The following PTCHD4 variants were observed in gnomAD, a reference collection of about 807,000 sequenced individuals.
The protein encoded by PTCHD4 is patched domain-containing protein 4.
In PTCHD4, 33 loss-of-function variants were observed where a neutral mutation model predicts 58.1. The ratio of observed to expected loss-of-function variants is 0.57; its 90% CI spans 0.43 to 0.76. PTCHD4 has a LOEUF of 0.76. Ranked by LOEUF, PTCHD4 falls within the 30% of genes least tolerant of loss-of-function variation. PTCHD4 has a pLI of 0.00. For synonymous variants in PTCHD4, 478 were observed against 409.6 expected (o/e 1.17, Z -2.02); for missense variants, 1,058 against 1,027.1 (o/e 1.03, Z -0.41).
intron 4 of PTCHD4, among the ~76,000 whole-genome samples, chr6:47,937,096 T>C (rs1393119518): frequency 6.6e-6 from 1 of 152,214 alleles, no homozygotes; most frequent in East Asian, 1.9e-4. Context: ...AGTCAGATCA[T>C]GTAACCCCTT....
At chr6:47,984,305 T>TA (rs2114017362) in intron 4 of PTCHD4, among the ~76,000 whole-genome samples, 1 of 152,240 alleles carries the variant, frequency 6.6e-6, no homozygotes, top group East Asian at 1.9e-4. Flanking sequence ...TTAGGAAACT[T>TA]ACAATCATGG....
At chr6:48,004,369 C>T (rs999707233) in intron 4 of PTCHD4, among the ~76,000 whole-genome samples, 10 of 152,126 alleles carry the variant, frequency 6.6e-5, no homozygotes, top group South Asian at 2.1e-4. Context: ...AATAGTGATC[C>T]GAGGCTACTA....
intron 3 of PTCHD4, among the ~76,000 whole-genome samples, chr6:48,048,461 G>A (rs1441223713): frequency 1.3e-5 from 2 of 151,898 alleles, no homozygotes; most frequent in African/African-American, 4.8e-5. Flanking sequence ...GTTTAACTGA[G>A]TTTCACAAAA....
At chr6:48,088,350 C>T (rs1765300933) in intron 1 of PTCHD4, among the ~76,000 whole-genome samples, 1 of 152,044 alleles carries the variant, frequency 6.6e-6, no homozygotes, top group Admixed American at 6.6e-5. Flanking sequence ...AATGAAAATC[C>T]TAAGTTCTTA....
chr6:47,902,867 T>C (rs749199496), intron 4 of PTCHD4, among the ~76,000 whole-genome samples: 4 of 152,238 alleles, frequency 2.6e-5, no homozygotes, highest in Non-Finnish European at 4.4e-5. Context: ...ATAGTTTCCA[T>C]TTAAAGTTAT....
intron 3 of PTCHD4, among the ~76,000 whole-genome samples, chr6:48,038,492 T>A (rs911539376): frequency 4.0e-5 from 6 of 150,924 alleles, no homozygotes; most frequent in African/African-American, 1.5e-4. Context: ...AAAAAAAAAA[T>A]TAGCTAGGTG....
intron 4 of PTCHD4, among the ~76,000 whole-genome samples, chr6:47,965,906 C>T (rs1185628677): frequency 6.6e-6 from 1 of 152,086 alleles, no homozygotes; most frequent in Non-Finnish European, 1.5e-5. Flanking sequence ...CACAGCGAGA[C>T]TCCATCTCAA....
In PTCHD4 at chr6:47,861,115, G is replaced by A. The variant is rs115764472; in HGVS notation, c.*17188C>T. Among the ~76,000 whole-genome samples the A allele has an allele frequency of 6.0e-4, 91 of 151,956 alleles. No individual in the cohort carries two copies. The highest frequency in any genetic ancestry group is 2.1e-3 in the African/African-American group (87 of 41,504). Reference sequence around the variant, plus strand: ...AATTTCAAACATGTTGGAACTTGGCGTGAAGAAGGGCAAGATTGTTTTTCT... The same window carrying A: ...AATTTCAAACATGTTGGAACTTGGCATGAAGAAGGGCAAGATTGTTTTTCT... On this transcript the variant is annotated 3_prime_UTR_variant, in exon 5 of 5. Coordinates refer to ENST00000339488, the MANE Select transcript of PTCHD4 (RefSeq NM_001384253.1).
intron 4 of PTCHD4, among the ~76,000 whole-genome samples, chr6:47,932,567 G>C (rs964473104): frequency 6.6e-6 from 1 of 152,246 alleles, no homozygotes; most frequent in Non-Finnish European, 1.5e-5. Context: ...TATGTTCAGA[G>C]TAATATTTTT....
intron 4 of PTCHD4, among the ~76,000 whole-genome samples, chr6:47,978,541 T>G (rs1476348480): frequency 1.3e-5 from 2 of 152,228 alleles, no homozygotes; most frequent in African/African-American, 4.8e-5. Context: ...TCGCTTAGAA[T>G]AGACATAAGA....
chr6:47,998,710 C>T (rs953110969), intron 4 of PTCHD4, among the ~76,000 whole-genome samples: 3 of 152,162 alleles, frequency 2.0e-5, no homozygotes, highest in African/African-American at 4.8e-5. Context: ...AAATTCACCT[C>T]TTACTTCTCA....
chr6:47,965,582 A>G (rs1767253708), intron 4 of PTCHD4, among the ~76,000 whole-genome samples: 1 of 152,246 alleles, frequency 6.6e-6, no homozygotes, highest in African/African-American at 2.4e-5. Flanking sequence ...TGCAGAACTT[A>G]GTAATAATAC....
chr6:48,046,074 T>A (rs1265937224), intron 3 of PTCHD4, among the ~76,000 whole-genome samples: 1 of 151,820 alleles, frequency 6.6e-6, no homozygotes, highest in East Asian at 1.9e-4. Flanking sequence ...AAAAGGAAAA[T>A]TGGAGAGTAA....
rs777418318 is a variant in PTCHD4 at position 47,876,971 on chromosome 6, G to A, written c.*1332C>T. 2.8e-4 allele frequency among the ~76,000 whole-genome samples: 43 copies of A among 151,998 alleles called. No individual in the cohort carries two copies. The highest frequency in any genetic ancestry group is 5.7e-4 in the Non-Finnish European group (39 of 67,952). On this transcript the variant is annotated 3_prime_UTR_variant, in exon 5 of 5. Coordinates refer to ENST00000339488, the MANE Select transcript of PTCHD4 (RefSeq NM_001384253.1). The stretch of plus-strand genomic sequence containing the variant: ...TGGGCCAACCGAGGAGCACTTTCCA[G>A]GTAACAAGAGCAACACTATTGTGAG...
At position 47,861,981 on chromosome 6, in the gene PTCHD4, T is replaced by C. The variant is rs1391162579; in HGVS notation, c.*16322A>G. ...TTATCGAAAAAGTTCTTCCAATCAG[T>C]TATTCTCTTTGTCGACTTTTAGCTG... On this transcript the variant is annotated 3_prime_UTR_variant, in exon 5 of 5. Coordinates refer to ENST00000339488, the MANE Select transcript of PTCHD4 (RefSeq NM_001384253.1). Among the ~76,000 whole-genome samples the C allele has an allele frequency of 6.6e-6, 1 of 151,920 alleles. No homozygotes were observed. Among genetic ancestry groups the C allele is most frequent in the East Asian group, 1.9e-4 (1 of 5,152 alleles).
intron 4 of PTCHD4, among the ~76,000 whole-genome samples, chr6:47,983,884 G>A (rs1001464553): frequency 1.3e-5 from 2 of 151,904 alleles, no homozygotes; most frequent in Non-Finnish European, 2.9e-5. Flanking sequence ...AAACCAAATG[G>A]TATTTAACCC....
At chr6:48,061,432 T>C (rs1450563087) in intron 3 of PTCHD4, among the ~76,000 whole-genome samples, 1 of 152,200 alleles carries the variant, frequency 6.6e-6, no homozygotes, top group African/African-American at 2.4e-5. Flanking sequence ...TCAATTACCA[T>C]ATTTTCTTAT....
chr6:48,089,151 A>T lies in PTCHD4; in HGVS notation c.-969-19225T>A, dbSNP rs540885955. Among the ~76,000 whole-genome samples, 23 of 152,356 alleles carry T rather than the reference A, an allele frequency of 1.5e-4. No homozygotes were observed. The South Asian group carries it at 4.3e-3, about 29-fold the overall frequency. ...ACCAGTGCCATAATGGAGTGAGATC[A>T]GTAGCAGCAAGGGCAGAAATTTCCA... On this transcript the variant is annotated intron_variant, in intron 1 of 4. Coordinates refer to ENST00000339488, the MANE Select transcript of PTCHD4 (RefSeq NM_001384253.1).
intron 3 of PTCHD4, among the ~76,000 whole-genome samples, chr6:48,033,924 A>C (rs1014843548): frequency 6.6e-6 from 1 of 152,084 alleles, no homozygotes; most frequent in Non-Finnish European, 1.5e-5. Flanking sequence ...AATTATTCTT[A>C]AGAATATTAA....
Sources: gnomAD v4.1 joint callset for allele counts (sites outside exome capture counted in the v4.1 genomes callset) on GRCh38, gnomAD v4.1.1 for gene constraint, MANE v1.5 for transcripts, NCBI Gene and HGNC (gene_info 2026-07-23, HGNC 2026-07-21) for gene names.